The following TAS2R1 variants were observed in gnomAD, a reference collection of about 807,000 sequenced individuals.
TAS2R1 encodes taste 2 receptor member 1, also known as taste receptor type 2 member 1.
For synonymous variants in TAS2R1, 141 were observed against 134.2 expected (o/e 1.05, Z -0.35); for missense variants, 370 against 353.4 (o/e 1.05, Z -0.38).
At chr5:9,704,681 A>C (rs1479121419) in intron 1 of TAS2R1, among the ~76,000 whole-genome samples, 1 of 152,260 alleles carries the variant, frequency 6.6e-6, no homozygotes, top group East Asian at 1.9e-4. Context: ...ACTGAGGTTC[A>C]TACTAACTTA....
upstream of TAS2R1, among the ~76,000 whole-genome samples, chr5:9,634,825 T>A (rs1561365265): frequency 1.3e-5 from 2 of 152,118 alleles, no homozygotes; most frequent in East Asian, 3.8e-4. Flanking sequence ...AATTCATTTA[T>A]CTGATCTAGG....
chr5:9,834,345 G>A, the TAS2R1 span, among the ~76,000 whole-genome samples: 1 of 152,202 alleles, frequency 6.6e-6, no homozygotes, highest in Non-Finnish European at 1.5e-5. Flanking sequence ...AATTGAGTTA[G>A]CACATGCAAG....
At chr5:9,693,251 G>A (rs1452400439) in intron 1 of TAS2R1, among the ~76,000 whole-genome samples, 1 of 152,184 alleles carries the variant, frequency 6.6e-6, no homozygotes, top group Non-Finnish European at 1.5e-5. Flanking sequence ...TCTCATGCCT[G>A]TAATCCCAAC....
chr5:9,648,868 C>T (rs926535001), intron 2 of TAS2R1, among the ~76,000 whole-genome samples: 5 of 152,102 alleles, frequency 3.3e-5, no homozygotes, highest in South Asian at 4.2e-4. Context: ...AGGCATCCTT[C>T]GAGAAGCTCT....
At chr5:9,707,120 G>A (rs1248234543) in intron 1 of TAS2R1, among the ~76,000 whole-genome samples, 2 of 152,158 alleles carry the variant, frequency 1.3e-5, no homozygotes, top group East Asian at 3.9e-4. Context: ...CCAGAGCCAA[G>A]AGAGGATCTT....
intron 1 of TAS2R1, among the ~76,000 whole-genome samples, chr5:9,704,474 T>C (rs1461746586): frequency 6.6e-6 from 1 of 152,156 alleles, no homozygotes; most frequent in Non-Finnish European, 1.5e-5. Flanking sequence ...TTTAAATGTA[T>C]ACGGTTAATA....
the TAS2R1 span, among the ~76,000 whole-genome samples, chr5:9,764,892 G>A: frequency 1.3e-5 from 2 of 152,002 alleles, no homozygotes; most frequent in African/African-American, 4.8e-5. Flanking sequence ...CACTAGCAAG[G>A]GAAGAGTTAA....
At chr5:9,643,824 A>T (rs1652168909) in intron 2 of TAS2R1, among the ~76,000 whole-genome samples, 1 of 152,210 alleles carries the variant, frequency 6.6e-6, no homozygotes, top group African/African-American at 2.4e-5. Flanking sequence ...GAAATAAATA[A>T]TTCCAGGTAA....
chr5:9,736,810 T>C, the TAS2R1 span, among the ~76,000 whole-genome samples: 1 of 152,152 alleles, frequency 6.6e-6, no homozygotes, highest in Non-Finnish European at 1.5e-5. Context: ...TCAAGTATTC[T>C]GGATACCCAT....
chr5:9,658,412 T>G (rs1186363574), intron 2 of TAS2R1: 1 of 152,214 alleles, frequency 6.6e-6, no homozygotes, highest in Non-Finnish European at 1.5e-5. Flanking sequence ...TTCTTATACT[T>G]TAAGGAATCA....
chr5:9,760,566 T>C, the TAS2R1 span, among the ~76,000 whole-genome samples: 1 of 152,210 alleles, frequency 6.6e-6, no homozygotes, highest in Admixed American at 6.5e-5. Flanking sequence ...TGGTCCACCA[T>C]GTCAACAGGC....
At chr5:9,851,915 C>T in the TAS2R1 span, among the ~76,000 whole-genome samples, 202 of 152,292 alleles carry the variant, frequency 1.3e-3, no homozygotes, top group African/African-American at 4.6e-3. Flanking sequence ...AAAAGTCACT[C>T]CTCATTTCCA....
chr5:9,849,991 C>T, the TAS2R1 span, among the ~76,000 whole-genome samples: 21 of 152,312 alleles, frequency 1.4e-4, no homozygotes, highest in South Asian at 4.1e-4. Flanking sequence ...TTTCATTTAT[C>T]TCACAGTTCG....
the TAS2R1 span, among the ~76,000 whole-genome samples, chr5:9,786,001 C>A: frequency 6.6e-6 from 1 of 152,216 alleles, no homozygotes; most frequent in Non-Finnish European, 1.5e-5. Flanking sequence ...TTTAGCAATC[C>A]ATGACCCCTG....
chr5:9,697,301 T>C (rs1009869331), intron 1 of TAS2R1, among the ~76,000 whole-genome samples: 2 of 152,188 alleles, frequency 1.3e-5, no homozygotes, highest in Non-Finnish European at 2.9e-5. Flanking sequence ...ATACTGCATC[T>C]GATATCTAGG....
At chr5:9,733,776 C>G in the TAS2R1 span, among the ~76,000 whole-genome samples, 1 of 151,738 alleles carries the variant, frequency 6.6e-6, no homozygotes, top group Non-Finnish European at 1.5e-5. Context: ...TCACAAGTAG[C>G]AATTGGGCTC....
the TAS2R1 span, among the ~76,000 whole-genome samples, chr5:9,887,091 T>C: frequency 6.6e-6 from 1 of 152,148 alleles, no homozygotes; most frequent in Admixed American, 6.5e-5. Flanking sequence ...ACCAAAGTGT[T>C]TTCCAAAGCA....
chr5:9,690,940 G>C (rs1356715379), intron 1 of TAS2R1, among the ~76,000 whole-genome samples: 2 of 152,114 alleles, frequency 1.3e-5, no homozygotes, highest in Non-Finnish European at 2.9e-5. Flanking sequence ...TTCAAAAACA[G>C]GACAAAGCCC....
the TAS2R1 span, among the ~76,000 whole-genome samples, chr5:9,827,582 C>T: frequency 1.6e-5 from 2 of 126,872 alleles, no homozygotes; most frequent in African/African-American, 7.2e-5. Context: ...ACACACACAC[C>T]CGGGTGTGGT....
Sources: gnomAD v4.1 joint callset for allele counts (sites outside exome capture counted in the v4.1 genomes callset) on GRCh38, gnomAD v4.1.1 for gene constraint, MANE v1.5 for transcripts, NCBI Gene and HGNC (gene_info 2026-07-23, HGNC 2026-07-21) for gene names.